RRAS2: variants seen among roughly 807,000 people sequenced by gnomAD.
The protein encoded by RRAS2 is ras-related protein R-Ras2.
In RRAS2, 7 loss-of-function variants were observed where a neutral mutation model predicts 27.6. That is an observed-to-expected ratio of 0.25 (90% CI 0.14 to 0.48). The LOEUF (loss-of-function observed/expected upper bound fraction) is 0.48. Among genes scored for constraint, RRAS2 ranks in the 20% least tolerant of loss-of-function variants. The probability of loss-of-function intolerance (pLI) is 0.99; values close to 1 mark genes in which losing one functional copy is unlikely to be tolerated. For missense variants in RRAS2, 178 were observed against 256.2 expected, an observed-to-expected ratio of 0.69 and a Z score of 2.08; for synonymous variants, 86 against 90.9, an observed-to-expected ratio of 0.95 and a Z score of 0.31.
intron 1 of RRAS2, among the ~76,000 whole-genome samples, chr11:14,331,279 T>C (rs192395307): frequency 8.9e-4 from 135 of 152,264 alleles, no homozygotes; most frequent in African/African-American, 3.2e-3. Flanking sequence ...TGATGGTGTA[T>C]AAAACCCCTC....
At chr11:14,300,050 A>T (rs1361558468) in intron 1 of RRAS2, among the ~76,000 whole-genome samples, 5 of 152,218 alleles carry the variant, frequency 3.3e-5, no homozygotes, top group African/African-American at 9.6e-5. Flanking sequence ...AGGAAAAAAA[A>T]GCAAGCACAG....
intron 1 of RRAS2, among the ~76,000 whole-genome samples, chr11:14,321,058 T>C (rs1848211352): frequency 6.6e-6 from 1 of 151,838 alleles, no homozygotes; most frequent in Non-Finnish European, 1.5e-5. Context: ...CAGGCGCCTG[T>C]AATCCCAGCT....
intron 4 of RRAS2, among the ~76,000 whole-genome samples, chr11:14,287,655 T>G (rs1554945238): frequency 6.6e-6 from 1 of 151,928 alleles, no homozygotes; most frequent in African/African-American, 2.4e-5. Context: ...GTGGATCACC[T>G]AAGGTCGGGA....
At chr11:14,296,512 A>G (rs1554946646) in intron 1 of RRAS2, among the ~76,000 whole-genome samples, 6 of 152,244 alleles carry the variant, frequency 3.9e-5, no homozygotes. Context: ...ACAGTAAGTT[A>G]TAATTCAGAC....
rs7945847 is a variant in RRAS2 at position 14,299,670 on chromosome 11, T to A, written c.109-3815A>T. Among the ~76,000 whole-genome samples, 963 of 152,308 alleles carry A rather than the reference T, an allele frequency of 6.3e-3. 16 individuals carry two copies. The highest frequency in any genetic ancestry group is 0.022 in the African/African-American group (911 of 41,566). On this transcript the variant is annotated intron_variant, in intron 1 of 5. Coordinates refer to ENST00000256196, the MANE Select transcript of RRAS2 (RefSeq NM_012250.6). ...CTCACTCATTTGTTCAGTGATCATG[T>A]ATGAAGCACCTACTAAGTACTCCAT...
intron 1 of RRAS2, among the ~76,000 whole-genome samples, chr11:14,347,899 CCACAG>C (rs1848871702): frequency 6.6e-6 from 1 of 151,896 alleles, no homozygotes; most frequent in African/African-American, 2.4e-5. Context: ...CCAAAAACCA[CCACAG>C]AACACAGAAA....
chr11:14,350,507 G>A (rs1345477915), intron 1 of RRAS2, among the ~76,000 whole-genome samples: 4 of 152,012 alleles, frequency 2.6e-5, no homozygotes, highest in Non-Finnish European at 5.9e-5. Context: ...AGAAGCAGAT[G>A]CTAGTACTGT....
chr11:14,350,988 AC>A (rs1264751623), intron 1 of RRAS2, among the ~76,000 whole-genome samples: 1 of 152,216 alleles, frequency 6.6e-6, no homozygotes, highest in Non-Finnish European at 1.5e-5. Flanking sequence ...GCAACCTTGT[AC>A]ATGTGTATTT....
intron 1 of RRAS2, among the ~76,000 whole-genome samples, chr11:14,325,850 A>G (rs1848344065): frequency 6.6e-6 from 1 of 152,154 alleles, no homozygotes; most frequent in Non-Finnish European, 1.5e-5. Context: ...GTCTTCTTCC[A>G]TTGTATCTTC....
At chr11:14,346,226 C>T (rs1848826418) in intron 1 of RRAS2, among the ~76,000 whole-genome samples, 1 of 152,092 alleles carries the variant, frequency 6.6e-6, no homozygotes, top group Non-Finnish European at 1.5e-5. Flanking sequence ...CATTAGCTAA[C>T]TTAAAACAAT....
chr11:14,356,404 A>C (rs1336931321), intron 1 of RRAS2, among the ~76,000 whole-genome samples: 1 of 152,216 alleles, frequency 6.6e-6, no homozygotes, highest in African/African-American at 2.4e-5. Context: ...TTTGCATTTA[A>C]ACATGTTACA....
intron 1 of RRAS2, among the ~76,000 whole-genome samples, chr11:14,325,695 T>C (rs1178091372): frequency 2.6e-5 from 4 of 152,250 alleles, no homozygotes; most frequent in East Asian, 1.9e-4. Context: ...TCTGGAAATA[T>C]AGTATGCTTT....
intron 1 of RRAS2, among the ~76,000 whole-genome samples, chr11:14,328,069 TAA>T (rs1295911028): frequency 6.6e-6 from 1 of 152,156 alleles, no homozygotes; most frequent in Non-Finnish European, 1.5e-5. Flanking sequence ...AGGCTAACAG[TAA>T]AGAGTGAGAA....
Position 14,281,664 on chromosome 11 carries a change from C to T in RRAS2, c.465G>A (p.Glu155=), listed in dbSNP as rs1554944331. 6.3e-7 allele frequency: 1 copy of T among 1,595,158 alleles called. No individual in the cohort carries two copies. The highest frequency in any genetic ancestry group is 8.5e-7 in the Non-Finnish European group (1 of 1,174,342). Residue 155 remains glutamate, a synonymous_variant, in exon 5 of 6, where the codon GAG becomes GAA. Coordinates refer to ENST00000256196, the MANE Select transcript of RRAS2 (RefSeq NM_012250.6). Reference sequence around the variant, plus strand: ...CATTCATCCTAATCTTTGCTGATGCCTCCATGTATGTTACCTTAAGCTGCC... The same window carrying T: ...CATTCATCCTAATCTTTGCTGATGCTTCCATGTATGTTACCTTAAGCTGCC... ...LARQLKVTYM[E]ASAKIRMNVD... is the part of the protein sequence containing the mutation.
At chr11:14,347,115 A>T (rs1287777991) in intron 1 of RRAS2, among the ~76,000 whole-genome samples, 1 of 152,222 alleles carries the variant, frequency 6.6e-6, no homozygotes, top group African/African-American at 2.4e-5. Context: ...GTAAGCTATG[A>T]TCATGCCACT....
chr11:14,358,798 C>T lies in RRAS2; in HGVS notation c.73G>A (p.Val25Met). 1.3e-6 allele frequency: 2 copies of T among 1,486,308 alleles called. No homozygotes were observed. The highest frequency in any genetic ancestry group is 9.0e-7 in the Non-Finnish European group (1 of 1,111,788). The allele number at this position is 1,486,308 out of a possible 1,614,324, so 92.1% of individuals were successfully genotyped here. ...TGGATGGTGAGCGCCGACTTGCCCA[C>T]GCCGCCCCCGCCGACCACCACGAGC... ...YRLVVVGGGG[V>M]GKSALTIQFI... The change falls in exon 1 of 6, where the codon GTG becomes ATG. Residue 25 changes from valine to methionine, a missense_variant. By Grantham distance (21) the Val-to-Met change is conservative (BLOSUM62 1). Coordinates refer to ENST00000256196, the MANE Select transcript of RRAS2 (RefSeq NM_012250.6). The surrounding 1 kb of genome is among the most constrained non-coding windows in gnomAD (Gnocchi z 5.1).
intron 1 of RRAS2, among the ~76,000 whole-genome samples, chr11:14,337,756 G>A (rs1396360477): frequency 6.6e-6 from 1 of 152,062 alleles, no homozygotes; most frequent in Non-Finnish European, 1.5e-5. Context: ...GCCCTTGCAG[G>A]TAAGGGGGGA....
chr11:14,306,476 A>G (rs1264857596), intron 1 of RRAS2, among the ~76,000 whole-genome samples: 1 of 152,038 alleles, frequency 6.6e-6, no homozygotes, highest in Non-Finnish European at 1.5e-5. Context: ...TGATTTGCAA[A>G]TATTTTCTCT....
intron 4 of RRAS2, among the ~76,000 whole-genome samples, chr11:14,282,012 G>A (rs1479501842): frequency 6.6e-6 from 1 of 152,200 alleles, no homozygotes; most frequent in East Asian, 1.9e-4. Flanking sequence ...AGTGTAAGGT[G>A]CTATTAAAGT....
Sources: allele counts gnomAD v4.1 joint callset (sites outside exome capture counted in the v4.1 genomes callset), GRCh38; gene constraint gnomAD v4.1.1; non-coding constraint Gnocchi (gnomAD v3.1); transcripts MANE v1.5; gene names NCBI Gene and HGNC (gene_info 2026-07-23, HGNC 2026-07-21).